Variants in PDS5B observed in about 807,000 individuals in gnomAD.
The protein encoded by PDS5B is sister chromatid cohesion protein PDS5 homolog B.
A neutral mutation model predicts 184.1 loss-of-function variants in PDS5B; 51 were observed. The ratio of observed to expected loss-of-function variants is 0.28; its 90% CI spans 0.22 to 0.35. The LOEUF (loss-of-function observed/expected upper bound fraction) is 0.35, where lower values mean the gene tolerates loss of function less well. PDS5B is among the 10% of genes least tolerant of loss of function. PDS5B has a pLI of 1.00. For synonymous variants in PDS5B, 566 were observed against 569.2 expected, an observed-to-expected ratio of 0.99 and a Z score of 0.08; for missense variants, 1,180 against 1,723.3, an observed-to-expected ratio of 0.68 and a Z score of 5.58.
intron 11 of PDS5B, among the ~76,000 whole-genome samples, chr13:32,685,529 C>A (rs1951361449): frequency 6.6e-6 from 1 of 152,138 alleles, no homozygotes; most frequent in Admixed American, 6.5e-5. Flanking sequence ...TGACTATATA[C>A]ATGTTCTTGG....
chr13:32,600,576 A>C (rs575601336), intron 1 of PDS5B, among the ~76,000 whole-genome samples: 1 of 152,304 alleles, frequency 6.6e-6, no homozygotes, highest in East Asian at 1.9e-4. Flanking sequence ...CCCTGTCTCT[A>C]CAAAAATACA....
chr13:32,768,225 A>T (rs1345637647), intron 31 of PDS5B, among the ~76,000 whole-genome samples: 3 of 152,158 alleles, frequency 2.0e-5, no homozygotes, highest in African/African-American at 7.2e-5. Flanking sequence ...TTGGTTCCTG[A>T]TGAGGGCTGT....
chr13:32,744,600 A>G lies in PDS5B; in HGVS notation c.2613-1377A>G, dbSNP rs180786160. Among the ~76,000 whole-genome samples the G allele has an allele frequency of 2.0e-5, 3 of 152,308 alleles. No homozygotes were observed. The East Asian group carries it at 5.8e-4, about 29-fold the overall frequency. Reference sequence around the variant, plus strand: ...AATAGAAACCTCTGGTCCAGATGGGAAATTTTAAGGATAGATAACACAGGA... The same window carrying G: ...AATAGAAACCTCTGGTCCAGATGGGGAATTTTAAGGATAGATAACACAGGA... On this transcript the variant is annotated intron_variant, in intron 23 of 34. Coordinates refer to ENST00000315596, the MANE Select transcript of PDS5B (RefSeq NM_015032.4).
intron 1 of PDS5B, among the ~76,000 whole-genome samples, chr13:32,638,371 A>G (rs947529644): frequency 6.6e-6 from 1 of 152,320 alleles, no homozygotes; most frequent in Non-Finnish European, 1.5e-5. Context: ...CATTTTTTGC[A>G]ATCTGCTAGT....
intron 25 of PDS5B, among the ~76,000 whole-genome samples, chr13:32,755,424 G>A (rs1376858899): frequency 6.6e-6 from 1 of 152,028 alleles, no homozygotes; most frequent in Non-Finnish European, 1.5e-5. Flanking sequence ...AATACTAGAT[G>A]TTACTTATTT....
At chr13:32,718,932 C>T (rs189267416) in intron 19 of PDS5B, among the ~76,000 whole-genome samples, 1 of 152,226 alleles carries the variant, frequency 6.6e-6, no homozygotes, top group Non-Finnish European at 1.5e-5. Flanking sequence ...GGAAAAGGTA[C>T]GTTACCTAGT....
intron 10 of PDS5B, among the ~76,000 whole-genome samples, chr13:32,680,125 T>C (rs984010284): frequency 5.9e-5 from 9 of 152,218 alleles, no homozygotes; most frequent in African/African-American, 1.9e-4. Flanking sequence ...TTTTTCCATG[T>C]TAAAGGCTTT....
rs542256817 is a variant in PDS5B at position 32,610,033 on chromosome 13, TTAAC to T, written c.-20+23443_-20+23446del. On this transcript the variant is annotated intron_variant, in intron 1 of 34. Transcript: ENST00000315596. Reference sequence around the variant, plus strand: ...AGCAATGTCCTGCAGTAGGAAAAGATTAACTAGTGTAAGAGTTGGCTTATTTAAG... The same window carrying T: ...AGCAATGTCCTGCAGTAGGAAAAGATTAGTGTAAGAGTTGGCTTATTTAAG... 2.4e-3 allele frequency among the ~76,000 whole-genome samples: 361 copies of T among 152,316 alleles called. 1 individual carries two copies. Among genetic ancestry groups the T allele is most frequent in the Admixed American group, 4.6e-3 (71 of 15,296 alleles).
At chr13:32,642,163 G>C (rs1241986826) in intron 1 of PDS5B, among the ~76,000 whole-genome samples, 3 of 152,114 alleles carry the variant, frequency 2.0e-5, no homozygotes, top group Non-Finnish European at 4.4e-5. Flanking sequence ...TTTTGCAGTA[G>C]TTTTCTAACT....
At position 32,675,824 on chromosome 13, in the gene PDS5B, G is replaced by C. The variant is rs764112100; in HGVS notation, c.847-20G>C. ...ATATCTACTGCATGGTTTTAAAGCTGTGATTGTGTTTTATTTTAGAGCAAT... is the reference window on the plus strand; with the variant it reads ...ATATCTACTGCATGGTTTTAAAGCTCTGATTGTGTTTTATTTTAGAGCAAT... On this transcript the variant is annotated intron_variant, in intron 8 of 34. Transcript: ENST00000315596. 6 of 1,440,228 alleles carry C rather than the reference G, an allele frequency of 4.2e-6. No homozygotes were observed. Among genetic ancestry groups the C allele is most frequent in the Non-Finnish European group, 5.9e-6 (6 of 1,022,120 alleles). The allele number at this position is 1,440,228 out of a possible 1,614,324, so 89.2% of individuals were successfully genotyped here.
chr13:32,729,842 C>A (rs1324763457), intron 19 of PDS5B, among the ~76,000 whole-genome samples: 1 of 151,952 alleles, frequency 6.6e-6, no homozygotes, highest in African/African-American at 2.4e-5. Flanking sequence ...GGATATTAGC[C>A]CTTTGTCAGA....
chr13:32,718,574 G>A (rs1418620120), intron 19 of PDS5B, among the ~76,000 whole-genome samples: 2 of 152,136 alleles, frequency 1.3e-5, no homozygotes, highest in African/African-American at 4.8e-5. Flanking sequence ...CCCAATAAAA[G>A]CAGGAACAAG....
chr13:32,686,650 C>T (rs7328827), intron 11 of PDS5B, among the ~76,000 whole-genome samples: 56,275 of 151,888 alleles, frequency 0.37, 11,029 homozygotes, highest in Non-Finnish European at 0.44. Flanking sequence ...CTAGGTGTGG[C>T]ATTGTATGCC....
At chr13:32,662,424 AACT>A (rs1950674912) in intron 6 of PDS5B, among the ~76,000 whole-genome samples, 3 of 152,266 alleles carry the variant, frequency 2.0e-5, no homozygotes, top group African/African-American at 2.4e-5. Flanking sequence ...TTTGAAACAA[AACT>A]ACTAATTTAA....
intron 1 of PDS5B, among the ~76,000 whole-genome samples, chr13:32,645,995 T>C (rs1243299185): frequency 6.7e-6 from 1 of 149,348 alleles, no homozygotes; most frequent in East Asian, 1.9e-4. Context: ...GGTGTGTGGG[T>C]GTGTGGTGTG....
chr13:32,730,102 C>T (rs937925407), intron 19 of PDS5B, among the ~76,000 whole-genome samples: 1 of 151,964 alleles, frequency 6.6e-6, no homozygotes, highest in African/African-American at 2.4e-5. Flanking sequence ...GTCTTTAATC[C>T]ATCTTGAGTT....
chr13:32,766,062 T>A (rs1954577050), intron 31 of PDS5B, among the ~76,000 whole-genome samples: 1 of 152,228 alleles, frequency 6.6e-6, no homozygotes, highest in Admixed American at 6.5e-5. Context: ...AATCCTTGAA[T>A]TGGAAAAGGT....
chr13:32,683,091 C>A (rs182770716), intron 10 of PDS5B, among the ~76,000 whole-genome samples: 1,982 of 152,188 alleles, frequency 0.013, 30 homozygotes, highest in South Asian at 0.062. Context: ...CAGCTCACAG[C>A]AACCTCCACC....
Position 32,659,172 on chromosome 13 carries a change from A to T in PDS5B, c.516A>T (p.Lys172Asn). 6.4e-7 allele frequency: 1 copy of T among 1,562,872 alleles called. No homozygotes were observed. The highest frequency in any genetic ancestry group is 8.7e-7 in the Non-Finnish European group (1 of 1,147,450). The part of the protein sequence containing the change: ...FSVINNGHNQ[K>N]VHMHMVDLMS... Reference sequence around the variant, plus strand: ...ATTGCAGCAATGGCCACAATCAGAAAGTCCATATGCACATGGTAGACCTTA... The same window carrying T: ...ATTGCAGCAATGGCCACAATCAGAATGTCCATATGCACATGGTAGACCTTA... Residue 172 changes from lysine to asparagine, a missense_variant, in exon 6 of 35, where the codon AAA becomes AAT. This residue lies in a region of PDS5B where 79 missense variants were observed against 124.6 expected (regional missense o/e 0.63). Transcript: ENST00000315596.
Sources: gnomAD v4.1 joint callset for allele counts (sites outside exome capture counted in the v4.1 genomes callset) on GRCh38, gnomAD v4.1.1 for gene constraint, gnomAD v4.1.1 regional missense constraint, MANE v1.5 for transcripts, NCBI Gene and HGNC (gene_info 2026-07-23, HGNC 2026-07-21) for gene names.